Variants in MECOM observed in about 807,000 individuals in gnomAD.
MECOM encodes the protein histone-lysine N-methyltransferase MECOM.
In MECOM, 13 loss-of-function variants were observed where a neutral mutation model predicts 116.3. The observed-to-expected ratio is 0.11, with a 90% CI of 0.07 to 0.18. MECOM has a LOEUF of 0.18. Among genes scored for constraint, MECOM ranks in the 10% least tolerant of loss-of-function variants. The pLI is 1.00. For synonymous variants in MECOM, 528 were observed against 535.2 expected (o/e 0.99, Z 0.19); for missense variants, 1,299 against 1,509.0 (o/e 0.86, Z 2.31).
At chr3:169,372,933 C>G (rs1730388026) in intron 2 of MECOM, among the ~76,000 whole-genome samples, 1 of 151,992 alleles carries the variant, frequency 6.6e-6, no homozygotes, top group Non-Finnish European at 1.5e-5. Context: ...GCCTGTTTCC[C>G]ACTGCTCCGC....
At chr3:169,390,002 C>T (rs1733973435) in intron 1 of MECOM, among the ~76,000 whole-genome samples, 2 of 152,200 alleles carry the variant, frequency 1.3e-5, no homozygotes, top group Non-Finnish European at 2.9e-5. Flanking sequence ...GGATTGTAAA[C>T]TATGCCATTT....
intron 2 of MECOM, among the ~76,000 whole-genome samples, chr3:169,221,602 A>T (rs1752142617): frequency 6.6e-6 from 1 of 150,758 alleles, no homozygotes; most frequent in Non-Finnish European, 1.5e-5. Flanking sequence ...CAGCTCCTGG[A>T]AGTCACTCTG....
intron 1 of MECOM, among the ~76,000 whole-genome samples, chr3:169,526,775 C>A (rs762311535): frequency 6.6e-6 from 1 of 151,858 alleles, no homozygotes; most frequent in Non-Finnish European, 1.5e-5. Flanking sequence ...CTACTTTTTG[C>A]AATTTTGACT....
chr3:169,198,165 A>G (rs1283539791), intron 2 of MECOM, among the ~76,000 whole-genome samples: 2 of 152,094 alleles, frequency 1.3e-5, no homozygotes, highest in Admixed American at 6.6e-5. Context: ...TGACAATAAA[A>G]GATGATGTTG....
chr3:169,413,984 C>T (rs1471493046), intron 1 of MECOM, among the ~76,000 whole-genome samples: 1 of 152,218 alleles, frequency 6.6e-6, no homozygotes, highest in African/African-American at 2.4e-5. Flanking sequence ...AATGTTCCTG[C>T]CTGCCTGCTC....
At chr3:169,212,949 C>A (rs906423196) in intron 2 of MECOM, among the ~76,000 whole-genome samples, 7 of 151,736 alleles carry the variant, frequency 4.6e-5, no homozygotes, top group African/African-American at 1.7e-4. Context: ...CCTTCTCTCA[C>A]CTCCACCTTT....
intron 6 of MECOM, among the ~76,000 whole-genome samples, chr3:169,122,061 C>T (rs1006904721): frequency 6.6e-6 from 1 of 152,168 alleles, no homozygotes; most frequent in Non-Finnish European, 1.5e-5. Flanking sequence ...ACTTCCATAT[C>T]ATCCCTATGT....
In MECOM at chr3:169,477,189, A is replaced by G. The variant is rs891583859; in HGVS notation, c.38-95665T>C. ...TTCATTTGCAATAGGAAGTCTTCAC[A>G]CTGCAAAGGTCTAGGTAGATTCCTA... On this transcript the variant is annotated intron_variant, in intron 1 of 16. Coordinates refer to ENST00000651503, the MANE Select transcript of MECOM (RefSeq NM_004991.4). 3 of 140,762 alleles carry G rather than the reference A, an allele frequency of 2.1e-5. No homozygotes were observed. The Admixed American group carries it at 2.2e-4, about 10-fold the overall frequency. The allele number at this position is 140,762 out of a possible 1,614,324, so 8.7% of individuals were successfully genotyped here. A position where few individuals can be genotyped will look rare whatever the true frequency, so the allele number is the denominator to read the frequency against.
intron 1 of MECOM, among the ~76,000 whole-genome samples, chr3:169,598,410 A>G (rs1348901684): frequency 6.6e-6 from 1 of 152,252 alleles, no homozygotes; most frequent in Non-Finnish European, 1.5e-5. Context: ...CCAATAAAAC[A>G]TACAAAAAAG....
chr3:169,378,372 G>A (rs907529504), intron 2 of MECOM, among the ~76,000 whole-genome samples: 5 of 136,218 alleles, frequency 3.7e-5, no homozygotes, highest in Middle Eastern at 3.6e-3. Context: ...AAGGAAGGAA[G>A]CAAGGAAGGA....
intron 1 of MECOM, among the ~76,000 whole-genome samples, chr3:169,419,659 A>T (rs1739368520): frequency 6.6e-6 from 1 of 152,180 alleles, no homozygotes; most frequent in South Asian, 2.1e-4. Context: ...AAAACCATAG[A>T]AGAAAACCTA....
chr3:169,104,547 A>C (rs566547649), intron 10 of MECOM, among the ~76,000 whole-genome samples: 1 of 152,332 alleles, frequency 6.6e-6, no homozygotes, highest in South Asian at 2.1e-4. Context: ...TAATGATTAT[A>C]AATGTTTTAT....
intron 2 of MECOM, among the ~76,000 whole-genome samples, chr3:169,367,171 A>G (rs1729320771): frequency 6.6e-6 from 1 of 152,074 alleles, no homozygotes; most frequent in African/African-American, 2.4e-5. Flanking sequence ...GATTATGAGG[A>G]GAGTGAGAAT....
intron 2 of MECOM, among the ~76,000 whole-genome samples, chr3:169,261,349 A>G (rs1757511714): frequency 6.6e-6 from 1 of 152,154 alleles, no homozygotes; most frequent in Non-Finnish European, 1.5e-5. Context: ...TGAGATGTTT[A>G]TAGTTCTGTA....
intron 1 of MECOM, among the ~76,000 whole-genome samples, chr3:169,638,338 G>A (rs1309944957): frequency 6.6e-6 from 1 of 151,944 alleles, no homozygotes; most frequent in Non-Finnish European, 1.5e-5. Flanking sequence ...TTCTGCATGT[G>A]GCCCCTTTGT....
chr3:169,435,844 C>T (rs1742542704), intron 1 of MECOM, among the ~76,000 whole-genome samples: 1 of 152,110 alleles, frequency 6.6e-6, no homozygotes, highest in Non-Finnish European at 1.5e-5. Flanking sequence ...CAGACAATAG[C>T]AGTAAAGTGC....
intron 2 of MECOM, among the ~76,000 whole-genome samples, chr3:169,377,644 G>A (rs994568901): frequency 6.6e-6 from 1 of 151,992 alleles, no homozygotes; most frequent in African/African-American, 2.4e-5. Flanking sequence ...ACCAGTTAGA[G>A]TGGCGATCAT....
At chr3:169,253,798 G>A (rs1157875331) in intron 2 of MECOM, among the ~76,000 whole-genome samples, 1 of 152,004 alleles carries the variant, frequency 6.6e-6, no homozygotes, top group Non-Finnish European at 1.5e-5. Context: ...CCTAACAAAA[G>A]AGTAATGAAA....
intron 1 of MECOM, among the ~76,000 whole-genome samples, chr3:169,392,046 T>C (rs1455008295): frequency 6.6e-6 from 1 of 152,206 alleles, no homozygotes; most frequent in African/African-American, 2.4e-5. Context: ...GTCTAATTTA[T>C]TTATGGCTGC....
Sources: gnomAD v4.1 joint callset for allele counts (sites outside exome capture counted in the v4.1 genomes callset) on GRCh38, gnomAD v4.1.1 for gene constraint, MANE v1.5 for transcripts, NCBI Gene and HGNC (gene_info 2026-07-23, HGNC 2026-07-21) for gene names.